IREB2: variants seen among roughly 807,000 people sequenced by gnomAD.
The protein encoded by IREB2 is iron responsive element binding protein 2, also known as iron-responsive element-binding protein 2.
IREB2 carries 39 observed loss-of-function variants against 118.8 expected under a neutral mutation model. The observed-to-expected ratio is 0.33, with a 90% CI of 0.25 to 0.43. The LOEUF is 0.43. Ranked by LOEUF, IREB2 falls within the 20% of genes least tolerant of loss-of-function variation. The probability of loss-of-function intolerance (pLI) is 1.00; values close to 1 mark genes in which losing one functional copy is unlikely to be tolerated. For synonymous variants in IREB2, 372 were observed against 392.2 expected (o/e 0.95, Z 0.61); for missense variants, 900 against 1,147.3 (o/e 0.78, Z 3.11).
intron 2 of IREB2, among the ~76,000 whole-genome samples, chr15:78,455,676 G>T (rs374103471): frequency 6.6e-6 from 1 of 152,144 alleles, no homozygotes; most frequent in Non-Finnish European, 1.5e-5. Context: ...CTACCTGTAG[G>T]TTTAATTTAA....
At chr15:78,468,910 A>G (rs777260198) in intron 5 of IREB2, among the ~76,000 whole-genome samples, 2 of 152,174 alleles carry the variant, frequency 1.3e-5, no homozygotes, top group Non-Finnish European at 2.9e-5. Context: ...AACACCTCTT[A>G]TACAGAAATT....
At chr15:78,463,315 C>T (rs2051227903) in intron 3 of IREB2, among the ~76,000 whole-genome samples, 1 of 152,048 alleles carries the variant, frequency 6.6e-6, no homozygotes, top group South Asian at 2.1e-4. Context: ...ATGGTGCATG[C>T]CTGTAGTCCC....
At chr15:78,454,952 A>T (rs1239376743) in intron 2 of IREB2, among the ~76,000 whole-genome samples, 3 of 152,182 alleles carry the variant, frequency 2.0e-5, no homozygotes, top group Non-Finnish European at 4.4e-5. Context: ...GGCCTCTCAA[A>T]GTGCTGGGAT....
intron 18 of IREB2, among the ~76,000 whole-genome samples, chr15:78,493,465 G>A (rs2051785784): frequency 6.6e-6 from 1 of 152,132 alleles, no homozygotes; most frequent in Admixed American, 6.6e-5. Context: ...ATGTTTAAAG[G>A]TCAACTGTAG....
Position 78,499,927 on chromosome 15 carries a change from A to G in IREB2, c.*1784A>G, listed in dbSNP as rs1025338327. On this transcript the variant is annotated 3_prime_UTR_variant, in exon 22 of 22. Transcript: ENST00000258886. Reference sequence around the variant, plus strand: ...GAGTGCAATGGCGCGATCTTGGCTCACTGCAACCTCCGCCTCCCGGGTTCA... The same window carrying G: ...GAGTGCAATGGCGCGATCTTGGCTCGCTGCAACCTCCGCCTCCCGGGTTCA... The G allele has an allele frequency of 2.4e-4, 37 of 152,680 alleles. No homozygotes were observed. The highest frequency in any genetic ancestry group is 8.7e-4 in the African/African-American group (36 of 41,550). 9.5% of individuals were successfully genotyped at this position (152,680 alleles called of 1,614,324 possible).
chr15:78,450,237 A>G (rs56219465), intron 2 of IREB2, among the ~76,000 whole-genome samples: 44,499 of 152,170 alleles, frequency 0.29, 6,862 homozygotes, highest in Middle Eastern at 0.39. Flanking sequence ...TGTTGTAGCA[A>G]TTTGGGTCCA....
intron 10 of IREB2, among the ~76,000 whole-genome samples, 169 bp downstream of exon 10, chr15:78,478,566 A>C (rs2051514538): frequency 1.3e-5 from 2 of 152,184 alleles, no homozygotes; most frequent in Non-Finnish European, 2.9e-5. Flanking sequence ...TTAGCTGGGC[A>C]TGGCTTGCGC....
At chr15:78,480,904 G>T (rs2051557932) in intron 10 of IREB2, among the ~76,000 whole-genome samples, 1 of 151,674 alleles carries the variant, frequency 6.6e-6, no homozygotes, top group Non-Finnish European at 1.5e-5. Flanking sequence ...AGCTACTCAG[G>T]AGGCTGAGGC....
At chr15:78,441,578 G>A (rs1048496256) in intron 2 of IREB2, among the ~76,000 whole-genome samples, 1 of 152,146 alleles carries the variant, frequency 6.6e-6, no homozygotes, top group Non-Finnish European at 1.5e-5. Flanking sequence ...TGTATAATCT[G>A]TAGAAATGTG....
At position 78,488,738 on chromosome 15, in the gene IREB2, A is replaced by G. The variant is rs748000073; in HGVS notation, c.2043A>G (p.Leu681=). 1.3e-6 allele frequency: 2 copies of G among 1,548,570 alleles called. No individual in the cohort carries two copies. The highest frequency in any genetic ancestry group is 1.7e-5 in the Admixed American group (1 of 58,986). The change falls in exon 16 of 22, where the codon CTA becomes CTG. Residue 681 remains leucine, a synonymous_variant. Coordinates refer to ENST00000258886, the MANE Select transcript of IREB2 (RefSeq NM_004136.4). ...VHRVEEEHVI[L]SMFKALKDKI... is the part of the protein sequence containing the mutation. ...GAGTAGAGGAAGAACATGTTATACTATCCATGTTTAAAGCATTAAAAGATA... is the reference window on the plus strand; with the variant it reads ...GAGTAGAGGAAGAACATGTTATACTGTCCATGTTTAAAGCATTAAAAGATA...
Position 78,476,285 on chromosome 15 carries a change from T to C in IREB2, c.1121T>C (p.Met374Thr), listed in dbSNP as rs142912507. Residue 374 changes from methionine (M) to threonine (T), a missense_variant, in exon 9 of 22, where the codon ATG (methionine) becomes ACG (threonine). Met to Thr is a moderately conservative substitution (Grantham distance 81). Transcript: ENST00000258886. ...SIVDRTTIAN[M>T]CPEYGAILSF... ...GTTGATCGAACTACAATAGCAAACA[T>C]GTGTCCGGAATATGGTGCTATCCTC... is the stretch of plus-strand genomic sequence containing the variant. 2 of 1,610,162 alleles carry C rather than the reference T, an allele frequency of 1.2e-6. No homozygotes were observed. Among genetic ancestry groups the C allele is most frequent in the South Asian group, 2.2e-5 (2 of 90,770 alleles).
chr15:78,476,301 T>G lies in IREB2; in HGVS notation c.1137T>G (p.Gly379=). 6.2e-7 allele frequency: 1 copy of G among 1,607,124 alleles called. No homozygotes were observed. The highest frequency in any genetic ancestry group is 8.5e-7 in the Non-Finnish European group (1 of 1,174,582). The part of the protein sequence containing the change: ...TTIANMCPEY[G]AILSFFPVDN... ...TAGCAAACATGTGTCCGGAATATGG[T>G]GCTATCCTCAGCTTTTTCCCTGTTG... The change falls in exon 9 of 22, where the codon GGT becomes GGG. Residue 379 remains glycine, a synonymous_variant. Transcript: ENST00000258886.
chr15:78,492,432 G>GT (rs2141526602), intron 18 of IREB2, among the ~76,000 whole-genome samples: 1 of 152,114 alleles, frequency 6.6e-6, no homozygotes, highest in South Asian at 2.1e-4. Context: ...TCAGGCTTCT[G>GT]TCTAAAGGTC....
chr15:78,465,438 A>C (rs1157286108), intron 4 of IREB2, 50 bp downstream of exon 4: 9 of 1,513,614 alleles, frequency 5.9e-6, no homozygotes, highest in Non-Finnish European at 6.3e-6. Flanking sequence ...AATTGGCTGG[A>C]AATGTGTCAT....
chr15:78,460,512 G>A (rs2051178882), intron 2 of IREB2, among the ~76,000 whole-genome samples: 1 of 152,120 alleles, frequency 6.6e-6, no homozygotes, highest in African/African-American at 2.4e-5. Flanking sequence ...TGACCCGTTA[G>A]TGTCCCCATT....
chr15:78,484,723 A>T (rs1005150835), intron 11 of IREB2, 38 bp from the exon 12 acceptor site: 3 of 1,502,016 alleles, frequency 2.0e-6, no homozygotes, highest in Non-Finnish European at 1.8e-6. Context: ...GTACATACCC[A>T]GAATATTTAG....
intron 10 of IREB2, among the ~76,000 whole-genome samples, chr15:78,481,358 A>G (rs1452739800): frequency 6.0e-5 from 9 of 149,004 alleles, no homozygotes; most frequent in African/African-American, 2.0e-4. Flanking sequence ...ATGCGCCACC[A>G]TGCCCGGCTT....
intron 18 of IREB2, 139 bp from the exon 19 acceptor site, chr15:78,493,769 GC>G: frequency 1.5e-6 from 1 of 660,350 alleles, no homozygotes; most frequent in South Asian, 2.1e-5. Context: ...GGTGATAGGC[GC>G]ATGGACATTC....
At chr15:78,448,032 T>C (rs975700954) in intron 2 of IREB2, among the ~76,000 whole-genome samples, 1 of 152,264 alleles carries the variant, frequency 6.6e-6, no homozygotes, top group African/African-American at 2.4e-5. Flanking sequence ...GGCTGTGGTA[T>C]AGGCATTCTG....
Sources: gnomAD v4.1 joint callset for allele counts (sites outside exome capture counted in the v4.1 genomes callset) on GRCh38, gnomAD v4.1.1 for gene constraint, MANE v1.5 for transcripts, NCBI Gene and HGNC (gene_info 2026-07-23, HGNC 2026-07-21) for gene names.